The following CYP11A1 variants were observed in gnomAD, a reference collection of about 807,000 sequenced individuals.
CYP11A1 encodes cholesterol side-chain cleavage enzyme, mitochondrial.
In CYP11A1, 25 loss-of-function variants were observed where a neutral mutation model predicts 51.9. The observed-to-expected ratio is 0.48, with a 90% CI of 0.35 to 0.67. The LOEUF (loss-of-function observed/expected upper bound fraction) is 0.67. Ranked by LOEUF, CYP11A1 falls within the 30% of genes least tolerant of loss-of-function variation. The pLI is 0.00. For synonymous variants in CYP11A1, 245 were observed against 262.1 expected (o/e 0.93, Z 0.63); for missense variants, 578 against 680.9 (o/e 0.85, Z 1.68).
chr15:74,356,482 C>T (rs2060680593), intron 1 of CYP11A1: 1 of 152,214 alleles, frequency 6.6e-6, no homozygotes, highest in African/African-American at 2.4e-5. Context: ...GAGGGTAAGT[C>T]CGTCCCCTTC....
chr15:74,347,979 G>A lies in CYP11A1; in HGVS notation c.346C>T (p.Pro116Ser). 1 of 1,614,178 alleles carries A rather than the reference G, an allele frequency of 6.2e-7. No individual in the cohort carries two copies. The highest frequency in any genetic ancestry group is 8.5e-7 in the Non-Finnish European group (1 of 1,180,026). Residue 116 changes from proline (P) to serine (S), a missense_variant, in exon 2 of 9, where the codon CCC becomes TCC. By Grantham distance (74) the Pro-to-Ser change is moderately conservative. Coordinates refer to ENST00000268053, the MANE Select transcript of CYP11A1 (RefSeq NM_000781.3). The stretch of plus-strand genomic sequence containing the variant: ...GGGATGAGGAATCGTTCTGGGTTGG[G>A]GCCCTCGGACTTAAAGAGAAGGGCC... Reference protein sequence around the residue: ...DVALLFKSEGPNPERFLIPPW... With the variant: ...DVALLFKSEGSNPERFLIPPW...
intron 1 of CYP11A1, among the ~76,000 whole-genome samples, chr15:74,355,511 T>C (rs762217695): frequency 2.6e-5 from 4 of 152,092 alleles, no homozygotes; most frequent in Non-Finnish European, 5.9e-5. Context: ...GTCTTTCCAA[T>C]CTTCCTTTTC....
Position 74,345,085 on chromosome 15 carries a change from G to A in CYP11A1, c.584C>T (p.Ser195Leu), listed in dbSNP as rs576925843. The change falls in exon 3 of 9, where the codon TCG (serine) becomes TTG (leucine). Residue 195 changes from serine to leucine, a missense_variant. By Grantham distance (145) the Ser-to-Leu change is moderately radical. Transcript: ENST00000268053. This position sits in a 1 kb window ranked among gnomAD's most constrained non-coding sequence, Gnocchi z 4.3. The part of the protein sequence containing the change: ...RIKKAGSGNY[S>L]GDISDDLFRF... ...GAACAGGTCATCACTGATGTCCCCC[G>A]AGTAATTTCCGGAGCCCGCCTTCTT... 37 of 1,613,986 alleles carry A rather than the reference G, an allele frequency of 2.3e-5. No individual in the cohort carries two copies. Among genetic ancestry groups the A allele is most frequent in the East Asian group, 2.0e-4 (9 of 44,870 alleles).
chr15:74,355,241 A>G (rs1378253090), intron 1 of CYP11A1, among the ~76,000 whole-genome samples: 1 of 152,102 alleles, frequency 6.6e-6, no homozygotes, highest in East Asian at 1.9e-4. Context: ...CCTAAAACCT[A>G]AACATCTTAT....
At chr15:74,366,387 G>C (rs1424821031) in intron 1 of CYP11A1, among the ~76,000 whole-genome samples, 1 of 149,868 alleles carries the variant, frequency 6.7e-6, no homozygotes, top group Admixed American at 6.6e-5. Context: ...GGGTTCGGGC[G>C]AGTGTCCTGC....
Position 74,338,611 on chromosome 15 carries a change from C to G in CYP11A1, c.1394G>C (p.Arg465Pro). 1.2e-6 allele frequency: 2 copies of G among 1,614,124 alleles called. No homozygotes were observed. Among genetic ancestry groups the G allele is most frequent in the Non-Finnish European group, 1.7e-6 (2 of 1,180,012 alleles). Residue 465 changes from arginine to proline, a missense_variant, in exon 8 of 9, where the codon CGG (arginine) becomes CCG (proline). By Grantham distance (103) the Arg-to-Pro change is moderately radical. Coordinates refer to ENST00000268053, the MANE Select transcript of CYP11A1 (RefSeq NM_000781.3). ...FGWGVRQCLG[R>P]RIAELEMTIF... The stretch of plus-strand genomic sequence containing the variant: ...GGTCATCTCTAGCTCAGCGATCCGC[C>G]GTCCCAGACACTGCCGCACACCCCA...
At chr15:74,361,488 A>C (rs1292153271) in intron 1 of CYP11A1, 1 of 497,138 alleles carries the variant, frequency 2.0e-6, no homozygotes, top group Non-Finnish European at 3.8e-6. Flanking sequence ...ATTGTTTAAA[A>C]TAGTTTATAA....
At chr15:74,360,575 C>T (rs1200288627) in intron 1 of CYP11A1, among the ~76,000 whole-genome samples, 3 of 151,150 alleles carry the variant, frequency 2.0e-5, no homozygotes. Context: ...TGAGCCACCG[C>T]GCCTGGCCTA....
At chr15:74,346,478 C>T (rs1382127179) in intron 2 of CYP11A1, among the ~76,000 whole-genome samples, 2 of 151,862 alleles carry the variant, frequency 1.3e-5, no homozygotes, top group Non-Finnish European at 2.9e-5. Flanking sequence ...TGAGTCCCTT[C>T]ATTTTGACTG....
intron 1 of CYP11A1, among the ~76,000 whole-genome samples, chr15:74,348,869 G>A (rs1273871747): frequency 6.6e-6 from 1 of 152,084 alleles, no homozygotes. Flanking sequence ...AAGTACCTGG[G>A]ACTACAGGCA....
intron 6 of CYP11A1, 128 bp downstream of exon 6, chr15:74,339,459 C>T: frequency 1.4e-6 from 2 of 1,444,616 alleles, no homozygotes; most frequent in South Asian, 1.2e-5. Context: ...TTTCTTTCTC[C>T]TCCAGACTTT....
chr15:74,347,413 A>G (rs1031365480), intron 2 of CYP11A1, among the ~76,000 whole-genome samples: 4 of 151,692 alleles, frequency 2.6e-5, no homozygotes, highest in African/African-American at 4.8e-5. Context: ...ATCTCAAAAT[A>G]AAAAAAAATT....
At chr15:74,341,514 C>T (rs975966988) in intron 5 of CYP11A1, among the ~76,000 whole-genome samples, 4 of 152,200 alleles carry the variant, frequency 2.6e-5, no homozygotes, top group African/African-American at 4.8e-5. Flanking sequence ...CTGCAAGACA[C>T]GCACGTTGAA....
rs2060587017 is a variant in CYP11A1, at chr15:74,338,037, G to T, written c.1501C>A (p.Leu501Met). Residue 501 changes from leucine (L) to methionine (M), a missense_variant, in exon 9 of 9, where the codon CTG (leucine) becomes ATG (methionine). By Grantham distance (15) the Leu-to-Met change is conservative. Transcript: ENST00000268053. ...SDVGTTFNLI[L>M]MPEKPISFTF... Reference sequence around the variant, plus strand: ...AAGGAGATGGGCTTTTCAGGCATCAGAATGAGGTTGAATGTGGTGCCCACA... The same window carrying T: ...AAGGAGATGGGCTTTTCAGGCATCATAATGAGGTTGAATGTGGTGCCCACA... 6.2e-7 allele frequency: 1 copy of T among 1,614,196 alleles called. No homozygotes were observed. Among genetic ancestry groups the T allele is most frequent in the Non-Finnish European group, 8.5e-7 (1 of 1,180,022 alleles).
intron 3 of CYP11A1, chr15:74,344,836 A>C: frequency 1.6e-6 from 1 of 627,158 alleles, no homozygotes; most frequent in Non-Finnish European, 2.9e-6. Flanking sequence ...CAGATGAGAG[A>C]ACCCCAGAGC....
At chr15:74,367,193 A>G (rs1596170581) in intron 1 of CYP11A1, 124 bp downstream of exon 1, 7 of 1,015,214 alleles carry the variant, frequency 6.9e-6, no homozygotes, top group East Asian at 5.0e-5. Context: ...AAAAAAAAAA[A>G]AAAGAAGTTA....
intron 5 of CYP11A1, among the ~76,000 whole-genome samples, chr15:74,341,153 G>A (rs2060605336): frequency 6.6e-6 from 1 of 152,136 alleles, no homozygotes; most frequent in South Asian, 2.1e-4. Context: ...GGGGATGATG[G>A]TAACATACCT....
At chr15:74,347,756 G>T (rs1292018714) in intron 2 of CYP11A1, 144 bp downstream of exon 2, 1 of 724,872 alleles carries the variant, frequency 1.4e-6, no homozygotes, top group Non-Finnish European at 2.3e-6. Flanking sequence ...TTTTAGGGAG[G>T]CAGGAAAATG....
rs763831354 is a variant in CYP11A1, at chr15:74,343,864, G to A, written c.754C>T (p.Pro252Ser). ...HTSVPMLNLPPDLFRLFRTKT... is the reference protein window; with the variant it reads ...HTSVPMLNLPSDLFRLFRTKT... ...GTCCTGAACAGACGGAACAGGTCTG[G>A]GGGAAGGTTGAGCATGGGGACGCTG... Residue 252 changes from proline to serine, a missense_variant, in exon 4 of 9, where the codon CCA becomes TCA. Transcript: ENST00000268053. 3.1e-6 allele frequency: 5 copies of A among 1,613,786 alleles called. No individual in the cohort carries two copies. Among genetic ancestry groups the A allele is most frequent in the Non-Finnish European group, 4.2e-6 (5 of 1,180,036 alleles).
Sources: allele counts gnomAD v4.1 joint callset (sites outside exome capture counted in the v4.1 genomes callset), GRCh38; gene constraint gnomAD v4.1.1; non-coding constraint Gnocchi (gnomAD v3.1); transcripts MANE v1.5; gene names NCBI Gene and HGNC (gene_info 2026-07-23, HGNC 2026-07-21).